Variants in HSF1 observed in about 807,000 individuals in gnomAD.
HSF1 encodes the protein heat shock factor protein 1.
A neutral mutation model predicts 51.7 loss-of-function variants in HSF1; 32 were observed. That is an observed-to-expected ratio of 0.62 (90% CI 0.47 to 0.83). HSF1 has a LOEUF of 0.83. Ranked by LOEUF, HSF1 falls within the 40% of genes least tolerant of loss-of-function variation. The pLI, the probability that HSF1 is intolerant of heterozygous loss-of-function variation, is 0.00. For synonymous variants in HSF1, 396 were observed against 309.7 expected (o/e 1.28, Z -2.92); for missense variants, 727 against 717.0 (o/e 1.01, Z -0.16).
intron 4 of HSF1, chr8:144,310,113 G>A: frequency 1.7e-6 from 1 of 580,220 alleles, no homozygotes; most frequent in Non-Finnish European, 3.0e-6. Flanking sequence ...AGGGGGTTGG[G>A]AGGGTCCCCT....
rs560206589 is a variant in HSF1 at position 144,311,831 on chromosome 8, C to T, written c.855C>T (p.Asp285=). The T allele has an allele frequency of 9.8e-5, 157 of 1,604,878 alleles. No homozygotes were observed. In the South Asian group the frequency reaches 1.4e-3, roughly 14 times the overall value. ...TGGCCTCCCCCGGCGGGAGCATAGA[C>T]GAGAGGTGGGGGCCGCATCACCCCA... The part of the protein sequence containing the change: ...SPMASPGGSI[D]ERPLSSSPLV... The change falls in exon 8 of 13, where the codon GAC becomes GAT. Residue 285 remains aspartate (D), a synonymous_variant. Transcript: ENST00000528838.
At chr8:144,299,872 G>C (rs902046323) in intron 1 of HSF1, among the ~76,000 whole-genome samples, 77 of 152,294 alleles carry the variant, frequency 5.1e-4, no homozygotes, top group African/African-American at 1.8e-3. Flanking sequence ...TCGTGCCACT[G>C]CACTCCAGCC....
rs1554840408 is a variant in HSF1, at chr8:144,291,824, T to C, written c.67T>C (p.Trp23Arg). 4 of 1,557,640 alleles carry C rather than the reference T, an allele frequency of 2.6e-6. No individual in the cohort carries two copies. The highest frequency in any genetic ancestry group is 3.5e-6 in the Non-Finnish European group (4 of 1,156,670). ...SNVPAFLTKL[W>R]TLVSDPDTDA... ...CGTCCCGGCCTTCCTGACCAAGCTG[T>C]GGACCCTCGTGAGCGACCCGGACAC... Residue 23 changes from tryptophan (W) to arginine (R), a missense_variant, in exon 1 of 13, where the codon TGG (tryptophan) becomes CGG (arginine). Around this residue, in one of 2 missense-constraint regions of HSF1, gnomAD observed 257 missense variants for 318.3 expected, o/e 0.81. Transcript: ENST00000528838. The surrounding 1 kb of genome is among the most constrained non-coding windows in gnomAD (Gnocchi z 4.1).
intron 1 of HSF1, among the ~76,000 whole-genome samples, chr8:144,294,094 C>G (rs1179359931): frequency 1.3e-5 from 2 of 152,014 alleles, no homozygotes; most frequent in Non-Finnish European, 2.9e-5. Flanking sequence ...TTTGGTTCCA[C>G]CTGGTCAGTA....
At chr8:144,303,810 G>A (rs1380352523) in intron 1 of HSF1, among the ~76,000 whole-genome samples, 5 of 152,136 alleles carry the variant, frequency 3.3e-5, no homozygotes, top group South Asian at 2.1e-4. Context: ...CCCAGGAGGC[G>A]GAGGTTGCAG....
At position 144,311,589 on chromosome 8, in the gene HSF1, G is replaced by A. The variant is rs377435416; in HGVS notation, c.711G>A (p.Ser237=). 137 of 1,613,250 alleles carry A rather than the reference G, an allele frequency of 8.5e-5. No individual in the cohort carries two copies. In the African/African-American group the frequency reaches 1.4e-3, roughly 17 times the overall value. ...RQFSLEHVHG[S]GPYSAPSPAY... ...TCTCCCTGGAGCACGTCCACGGCTCGGGCCCCTACTCGGTGAGTGCCGGAG... is the reference window on the plus strand; with the variant it reads ...TCTCCCTGGAGCACGTCCACGGCTCAGGCCCCTACTCGGTGAGTGCCGGAG... Residue 237 remains serine, a synonymous_variant, in exon 7 of 13, where the codon TCG becomes TCA. Coordinates refer to ENST00000528838, the MANE Select transcript of HSF1 (RefSeq NM_005526.4).
chr8:144,310,030 T>C, intron 4 of HSF1, 134 bp downstream of exon 4: 3 of 1,102,162 alleles, frequency 2.7e-6, no homozygotes, highest in Non-Finnish European at 3.8e-6. Context: ...ACATCTACCC[T>C]GGGCCTCTGC....
At chr8:144,310,156 T>C (rs1554844104) in intron 4 of HSF1, 1 of 462,864 alleles carries the variant, frequency 2.2e-6, no homozygotes, top group Admixed American at 3.7e-5. Context: ...TCTGGGCCAT[T>C]GGCTTCTGCC....
intron 9 of HSF1, chr8:144,312,556 T>C (rs1554845158): frequency 1.6e-6 from 2 of 1,286,366 alleles, no homozygotes; most frequent in East Asian, 5.1e-5. Context: ...TGGCAGGAGA[T>C]GGTGAGCAGG....
At chr8:144,309,353 A>G in intron 2 of HSF1, 102 bp from the exon 3 acceptor site, 1 of 1,526,798 alleles carries the variant, frequency 6.5e-7, no homozygotes, top group Non-Finnish European at 9.0e-7. Flanking sequence ...GCAGGGTCTG[A>G]CCATGGCCAA....
At chr8:144,295,776 A>G (rs1476191709) in intron 1 of HSF1, among the ~76,000 whole-genome samples, 2 of 150,470 alleles carry the variant, frequency 1.3e-5, no homozygotes, top group Admixed American at 6.7e-5. Flanking sequence ...TGCCCAAGCT[A>G]GTCTGGAACT....
At position 144,312,123 on chromosome 8, in the gene HSF1, GC is replaced by G; in HGVS notation, c.1026del (p.Ala343ProfsTer34). 1 of 1,612,170 alleles carries G rather than the reference GC, an allele frequency of 6.2e-7. No homozygotes were observed. The highest frequency in any genetic ancestry group is 8.5e-7 in the Non-Finnish European group (1 of 1,179,782). The part of the protein sequence containing the change: ...IDSILRESEP[A>X]PASVTALTDA... ...CTCCATCCTGCGGGAGAGTGAACCT[GC>G]CCCCGCCTCCGTCACAGCCCTCACG... is the stretch of plus-strand genomic sequence containing the variant. On this transcript the variant is annotated frameshift_variant, in exon 9 of 13. Coordinates refer to ENST00000528838, the MANE Select transcript of HSF1 (RefSeq NM_005526.4). LOFTEE classifies it high-confidence loss of function.
At position 144,311,819 on chromosome 8, in the gene HSF1, C is replaced by T. The variant is rs556226235; in HGVS notation, c.843C>T (p.Gly281=). Residue 281 remains glycine, a synonymous_variant, in exon 8 of 13, where the codon GGC becomes GGT. Transcript: ENST00000528838. ...CTGCCAGCCCCATGGCCTCCCCCGG[C>T]GGGAGCATAGACGAGAGGTGGGGGC... ...LAPASPMASP[G]GSIDERPLSS... is the part of the protein sequence containing the mutation. The T allele has an allele frequency of 1.1e-5, 17 of 1,609,624 alleles. No individual in the cohort carries two copies. The highest frequency in any genetic ancestry group is 8.0e-5 in the African/African-American group (6 of 74,968).
chr8:144,309,819 C>T lies in HSF1; in HGVS notation c.411C>T (p.Val137=), dbSNP rs11538907. 1.2e-6 allele frequency: 2 copies of T among 1,613,966 alleles called. No homozygotes were observed. Among genetic ancestry groups the T allele is most frequent in the Non-Finnish European group, 1.7e-6 (2 of 1,179,994 alleles). ...SEDIKIRQDS[V]TKLLTDVQLM... is the part of the protein sequence containing the mutation. ...ACATAAAGATCCGCCAGGACAGCGT[C>T]ACCAAGCTGCTGACGGACGTGCAGC... The change falls in exon 4 of 13, where the codon GTC becomes GTT. Residue 137 remains valine, a synonymous_variant. Coordinates refer to ENST00000528838, the MANE Select transcript of HSF1 (RefSeq NM_005526.4).
At chr8:144,293,724 C>T (rs1815267302) in intron 1 of HSF1, 1 of 151,824 alleles carries the variant, frequency 6.6e-6, no homozygotes, top group Non-Finnish European at 1.5e-5. Context: ...TGGTGTGAGC[C>T]ACTGCACCCA....
chr8:144,294,895 G>A lies in HSF1; in HGVS notation c.117+3021G>A, dbSNP rs7836206. Among the ~76,000 whole-genome samples, 1,384 of 152,314 alleles carry A rather than the reference G, an allele frequency of 9.1e-3. 16 individuals carry two copies. Among genetic ancestry groups the A allele is most frequent in the African/African-American group, 0.03 (1,262 of 41,566 alleles). On this transcript the variant is annotated intron_variant, in intron 1 of 12. Transcript: ENST00000528838. ...GTGTCAGCCACAAGGTTATGATCCC[G>A]GGGATCCACATAAGAGCATGGGCGT...
chr8:144,308,924 G>A lies in HSF1; in HGVS notation c.136G>A (p.Val46Met). Residue 46 changes from valine (V) to methionine (M), a missense_variant, in exon 2 of 13, where the codon GTG (valine) becomes ATG (methionine). Transcript: ENST00000528838. ...CWSPSGNSFH[V>M]FDQGQFAKEV... ...CTTTCAGAGCGGGAACAGCTTCCAC[G>A]TGTTCGACCAGGGCCAGTTTGCCAA... 6 of 1,614,096 alleles carry A rather than the reference G, an allele frequency of 3.7e-6. No individual in the cohort carries two copies. Among genetic ancestry groups the A allele is most frequent in the South Asian group, 1.1e-5 (1 of 91,084 alleles).
At chr8:144,292,099 C>T (rs974254628) in intron 1 of HSF1, among the ~76,000 whole-genome samples, 1 of 152,236 alleles carries the variant, frequency 6.6e-6, no homozygotes, top group African/African-American at 2.4e-5. Context: ...TCAACCCCTG[C>T]CCCAGCGAAG....
chr8:144,308,929 C>T lies in HSF1; in HGVS notation c.141C>T (p.Phe47=), dbSNP rs781802201. ...AGAGCGGGAACAGCTTCCACGTGTT[C>T]GACCAGGGCCAGTTTGCCAAGGAGG... ...WSPSGNSFHV[F]DQGQFAKEVL... Residue 47 remains phenylalanine (F), a synonymous_variant, in exon 2 of 13, where the codon TTC becomes TTT. Coordinates refer to ENST00000528838, the MANE Select transcript of HSF1 (RefSeq NM_005526.4). 41 of 1,614,096 alleles carry T rather than the reference C, an allele frequency of 2.5e-5. No homozygotes were observed. Among genetic ancestry groups the T allele is most frequent in the Non-Finnish European group, 3.2e-5 (38 of 1,179,938 alleles).
Sources: gnomAD v4.1 joint callset for allele counts (sites outside exome capture counted in the v4.1 genomes callset) on GRCh38, gnomAD v4.1.1 for gene constraint, gnomAD v4.1.1 regional missense constraint, Gnocchi (gnomAD v3.1) non-coding constraint, MANE v1.5 for transcripts, NCBI Gene and HGNC (gene_info 2026-07-23, HGNC 2026-07-21) for gene names.